The following GRM8 variants were observed in gnomAD, a reference collection of about 807,000 sequenced individuals.
GRM8 encodes the protein glutamate metabotropic receptor 8, also known as metabotropic glutamate receptor 8.
GRM8 carries 47 observed loss-of-function variants against 87.2 expected under a neutral mutation model. The observed-to-expected ratio is 0.54, with a 90% CI of 0.43 to 0.69. The LOEUF (loss-of-function observed/expected upper bound fraction) is 0.69. Ranked by LOEUF, GRM8 falls within the 30% of genes least tolerant of loss-of-function variation. GRM8 has a pLI of 0.00. For missense variants in GRM8, 1,019 were observed against 1,139.2 expected (o/e 0.89, Z 1.52); for synonymous variants, 396 against 404.5 (o/e 0.98, Z 0.25).
At chr7:127,101,853 G>A (rs574151812) in intron 3 of GRM8, among the ~76,000 whole-genome samples, 101 of 152,298 alleles carry the variant, frequency 6.6e-4, no homozygotes, top group Non-Finnish European at 1.2e-3. Flanking sequence ...AGTTTGGAGG[G>A]CTCAGAAGAA....
At chr7:126,903,098 C>T (rs1282532945) in intron 5 of GRM8, among the ~76,000 whole-genome samples, 1 of 152,164 alleles carries the variant, frequency 6.6e-6, no homozygotes, top group African/African-American at 2.4e-5. Context: ...TGTGTTTCCA[C>T]ATACTTCAAA....
intron 9 of GRM8, among the ~76,000 whole-genome samples, chr7:126,524,303 T>C (rs1454765636): frequency 1.3e-5 from 2 of 152,242 alleles, no homozygotes; most frequent in African/African-American, 4.8e-5. Context: ...CATTTACATT[T>C]TTAGCCTAAC....
At chr7:126,764,634 T>C (rs1817995881) in intron 7 of GRM8, among the ~76,000 whole-genome samples, 1 of 152,114 alleles carries the variant, frequency 6.6e-6, no homozygotes, top group South Asian at 2.1e-4. Flanking sequence ...TCTATCTATG[T>C]ACTGGTCTCT....
intron 6 of GRM8, among the ~76,000 whole-genome samples, chr7:126,807,364 C>T (rs998610362): frequency 6.6e-6 from 1 of 152,072 alleles, no homozygotes; most frequent in African/African-American, 2.4e-5. Flanking sequence ...AATAAGATTT[C>T]TCAGGCCTAA....
Position 126,468,388 on chromosome 7 carries a change from C to G in GRM8, c.2431-22016G>C, listed in dbSNP as rs546723042. On this transcript the variant is annotated intron_variant, in intron 9 of 10. Transcript: ENST00000339582. Reference sequence around the variant, plus strand: ...TTCAATCCTTTTCATTTCTCACTTGCAATAATCATTTTCTCTCATTTGTCT... The same window carrying G: ...TTCAATCCTTTTCATTTCTCACTTGGAATAATCATTTTCTCTCATTTGTCT... Among the ~76,000 whole-genome samples the G allele has an allele frequency of 3.9e-5, 6 of 152,112 alleles. No homozygotes were observed. The South Asian group carries it at 1.0e-3, about 26-fold the overall frequency.
intron 3 of GRM8, among the ~76,000 whole-genome samples, chr7:127,096,280 C>T (rs960102040): frequency 2.0e-5 from 3 of 152,056 alleles, no homozygotes; most frequent in African/African-American, 7.2e-5. Context: ...CAAATTGAGG[C>T]TGGGTGTGGT....
At chr7:126,712,632 C>A (rs1811223110) in intron 7 of GRM8, among the ~76,000 whole-genome samples, 1 of 152,106 alleles carries the variant, frequency 6.6e-6, no homozygotes. Flanking sequence ...TTCTGCTCAG[C>A]AAAGGAAACT....
At chr7:126,817,013 A>G (rs1793849738) in intron 6 of GRM8, among the ~76,000 whole-genome samples, 1 of 152,062 alleles carries the variant, frequency 6.6e-6, no homozygotes, top group Admixed American at 6.6e-5. Context: ...CCACATTATT[A>G]TACTCCTTTA....
intron 7 of GRM8, among the ~76,000 whole-genome samples, chr7:126,714,310 A>ATAATAATAATAATAT (rs1811476693): frequency 2.0e-5 from 3 of 148,010 alleles, no homozygotes; most frequent in Non-Finnish European, 3.0e-5. Flanking sequence ...AATAATAATA[A>ATAATAATAATAATAT]TAATAATAAT....
chr7:126,635,702 T>A (rs1051581855), intron 7 of GRM8, among the ~76,000 whole-genome samples: 22 of 152,150 alleles, frequency 1.4e-4, no homozygotes, highest in African/African-American at 5.3e-4. Context: ...AAATTCCCTA[T>A]CCAAATGCAT....
rs771398837 is a variant in GRM8 at position 126,523,688 on chromosome 7, C to T, written c.2430+9264G>A. On this transcript the variant is annotated intron_variant, in intron 9 of 10. Transcript: ENST00000339582. ...AATTTTTGTATTTTTAGTGGAGATGCGGTATCGCCAGGTTGGCCAGGCTGG... is the reference window on the plus strand; with the variant it reads ...AATTTTTGTATTTTTAGTGGAGATGTGGTATCGCCAGGTTGGCCAGGCTGG... Among the ~76,000 whole-genome samples the T allele has an allele frequency of 2.3e-4, 35 of 151,992 alleles. 1 individual carries two copies. Among genetic ancestry groups the T allele is most frequent in the Middle Eastern group, 3.4e-3 (1 of 294 alleles).
chr7:126,914,129 C>T (rs1325245422), intron 3 of GRM8, among the ~76,000 whole-genome samples: 3 of 152,098 alleles, frequency 2.0e-5, no homozygotes, highest in Non-Finnish European at 4.4e-5. Context: ...GCAGACACTT[C>T]TCAAAAGAAG....
intron 3 of GRM8, among the ~76,000 whole-genome samples, chr7:127,066,521 T>A (rs1001349258): frequency 6.6e-6 from 1 of 152,200 alleles, no homozygotes; most frequent in African/African-American, 2.4e-5. Flanking sequence ...TATTTTTTTT[T>A]AATTTAACTG....
At chr7:126,523,714 T>C (rs1813375320) in intron 9 of GRM8, among the ~76,000 whole-genome samples, 1 of 152,076 alleles carries the variant, frequency 6.6e-6, no homozygotes, top group South Asian at 2.1e-4. Context: ...GCCAGGCTGG[T>C]CTAGAACTCT....
chr7:127,178,105 G>A (rs1298101040), intron 2 of GRM8, among the ~76,000 whole-genome samples: 1 of 152,116 alleles, frequency 6.6e-6, no homozygotes, highest in Admixed American at 6.5e-5. Flanking sequence ...AAAAAATAAT[G>A]CAAGAACTGA....
At chr7:126,716,652 T>C (rs1210151489) in intron 7 of GRM8, among the ~76,000 whole-genome samples, 1 of 152,208 alleles carries the variant, frequency 6.6e-6, no homozygotes, top group Non-Finnish European at 1.5e-5. Flanking sequence ...TGTTGTGTAT[T>C]CTATGTGTGC....
At chr7:126,674,888 A>G (rs1193550338) in intron 7 of GRM8, among the ~76,000 whole-genome samples, 1 of 152,212 alleles carries the variant, frequency 6.6e-6, no homozygotes, top group African/African-American at 2.4e-5. Flanking sequence ...GTACATAGAC[A>G]TGCCATAAAT....
At chr7:126,516,833 G>A (rs183158165) in intron 9 of GRM8, among the ~76,000 whole-genome samples, 163 of 152,098 alleles carry the variant, frequency 1.1e-3, no homozygotes, top group African/African-American at 3.5e-3. Flanking sequence ...AACTATGGTT[G>A]TTTTGCTCCA....
chr7:127,210,747 A>T (rs1796165966), intron 2 of GRM8, among the ~76,000 whole-genome samples: 1 of 152,216 alleles, frequency 6.6e-6, no homozygotes, highest in Non-Finnish European at 1.5e-5. Flanking sequence ...CCAGGGGAAC[A>T]CTGGCACTGT....
Sources: gnomAD v4.1 joint callset for allele counts (sites outside exome capture counted in the v4.1 genomes callset) on GRCh38, gnomAD v4.1.1 for gene constraint, MANE v1.5 for transcripts, NCBI Gene and HGNC (gene_info 2026-07-23, HGNC 2026-07-21) for gene names.